NNT: variants seen among roughly 807,000 people sequenced by gnomAD.
NNT encodes the protein NAD(P) transhydrogenase, mitochondrial.
Under a neutral mutation model 104.8 loss-of-function variants are expected in NNT, and 50 were observed. The ratio of observed to expected loss-of-function variants is 0.48; its 90% CI spans 0.38 to 0.60. The LOEUF is 0.60. Among genes scored for constraint, NNT ranks in the 20% least tolerant of loss-of-function variants. The probability of loss-of-function intolerance (pLI) is 0.00; values close to 1 mark genes in which losing one functional copy is unlikely to be tolerated. For missense variants in NNT, 1,131 were observed against 1,330.7 expected, an observed-to-expected ratio of 0.85 and a Z score of 2.33; for synonymous variants, 461 against 490.4, an observed-to-expected ratio of 0.94 and a Z score of 0.79.
chr5:43,622,878 T>G (rs886197096), intron 5 of NNT, among the ~76,000 whole-genome samples: 4 of 152,010 alleles, frequency 2.6e-5, no homozygotes, highest in Admixed American at 6.5e-5. Flanking sequence ...TTTTTTTTTT[T>G]TTGTTATGTC....
At chr5:43,605,371 C>G (rs907476940) in intron 1 of NNT, among the ~76,000 whole-genome samples, 1 of 150,530 alleles carries the variant, frequency 6.6e-6, no homozygotes, top group African/African-American at 2.4e-5. Context: ...AAAAAATTAG[C>G]CGGGCGCGGT....
intron 19 of NNT, among the ~76,000 whole-genome samples, chr5:43,695,780 C>T (rs765539292): frequency 2.0e-5 from 3 of 152,048 alleles, no homozygotes; most frequent in Non-Finnish European, 2.9e-5. Context: ...TGGCAGAAGG[C>T]GAGAAGGATC....
At position 43,644,601 on chromosome 5, in the gene NNT, G is replaced by A; in HGVS notation, c.1099-10G>A. 6.3e-7 allele frequency: 1 copy of A among 1,594,886 alleles called. No homozygotes were observed. The highest frequency in any genetic ancestry group is 2.2e-5 in the East Asian group (1 of 44,676). ...GATAGACCTTTTTGACTATAATTTT[G>A]TTCATTTAGGGAATTACTCACATAG... On this transcript the variant is annotated splice_polypyrimidine_tract_variant and intron_variant, in intron 8 of 21. Transcript: ENST00000344920.
At chr5:43,636,647 T>G (rs1225901407) in intron 7 of NNT, among the ~76,000 whole-genome samples, 1 of 152,208 alleles carries the variant, frequency 6.6e-6, no homozygotes, top group African/African-American at 2.4e-5. Context: ...TGGTAGCTAA[T>G]GTACATCTAT....
intron 19 of NNT, among the ~76,000 whole-genome samples, chr5:43,684,691 A>G: frequency 6.6e-6 from 1 of 152,116 alleles, no homozygotes; most frequent in Non-Finnish European, 1.5e-5. Flanking sequence ...ATGATTTGGA[A>G]ATTTTTATTC....
chr5:43,678,901 T>A (rs751785389), intron 19 of NNT, among the ~76,000 whole-genome samples: 4 of 152,212 alleles, frequency 2.6e-5, no homozygotes, highest in African/African-American at 7.2e-5. Context: ...TTCCTACACT[T>A]CCTTTCTTGT....
chr5:43,610,571 T>C (rs1749450651), intron 2 of NNT, among the ~76,000 whole-genome samples: 1 of 152,224 alleles, frequency 6.6e-6, no homozygotes, highest in African/African-American at 2.4e-5. Context: ...TTTTTAAGTT[T>C]GTAGGACTGT....
At chr5:43,644,462 T>A in intron 8 of NNT, 137 bp downstream of exon 8, 1 of 1,223,664 alleles carries the variant, frequency 8.2e-7, no homozygotes, top group Non-Finnish European at 1.1e-6. Flanking sequence ...AAAGCTCCTG[T>A]TGAAATATGT....
intron 18 of NNT, 97 bp downstream of exon 18, chr5:43,675,767 T>C: frequency 1.1e-6 from 1 of 916,056 alleles, no homozygotes; most frequent in Admixed American, 3.8e-5. Context: ...GAAACTTCTT[T>C]AGTTTTGAAA....
At chr5:43,622,310 C>G (rs1220283949) in intron 5 of NNT, among the ~76,000 whole-genome samples, 1 of 152,186 alleles carries the variant, frequency 6.6e-6, no homozygotes, top group Non-Finnish European at 1.5e-5. Flanking sequence ...TAGTTACTGC[C>G]TTTACTCAGA....
intron 1 of NNT, among the ~76,000 whole-genome samples, chr5:43,605,794 G>T (rs1278475920): frequency 6.6e-6 from 1 of 152,132 alleles, no homozygotes; most frequent in East Asian, 1.9e-4. Flanking sequence ...CTTTTGCCAA[G>T]AAATGACCTC....
At chr5:43,656,600 T>C (rs1005031256) in intron 15 of NNT, 53 bp from the exon 16 acceptor site, 10 of 1,481,448 alleles carry the variant, frequency 6.8e-6, no homozygotes, top group Non-Finnish European at 1.8e-6. Context: ...ATGAACTTTA[T>C]GTATTTTCTT....
chr5:43,665,524 CAT>C (rs1157816446), intron 17 of NNT, among the ~76,000 whole-genome samples: 1 of 152,188 alleles, frequency 6.6e-6, no homozygotes, highest in Non-Finnish European at 1.5e-5. Context: ...GGACACAGCA[CAT>C]GTTTCAGAAA....
intron 17 of NNT, among the ~76,000 whole-genome samples, chr5:43,661,745 A>C (rs1016619275): frequency 2.6e-5 from 4 of 151,880 alleles, no homozygotes; most frequent in South Asian, 4.2e-4. Flanking sequence ...TGAACTCATC[A>C]TTTTTTATGG....
intron 17 of NNT, among the ~76,000 whole-genome samples, chr5:43,660,976 C>T (rs1174975306): frequency 2.0e-5 from 3 of 152,160 alleles, no homozygotes; most frequent in African/African-American, 7.2e-5. Context: ...TTTTACAACT[C>T]AGGATTTTTC....
intron 17 of NNT, among the ~76,000 whole-genome samples, chr5:43,662,985 C>T (rs1306046799): frequency 6.6e-6 from 1 of 151,792 alleles, no homozygotes; most frequent in Non-Finnish European, 1.5e-5. Flanking sequence ...AATAAAATCA[C>T]CTAAACTTCC....
At chr5:43,657,737 A>T (rs1371785722) in intron 16 of NNT, among the ~76,000 whole-genome samples, 1 of 152,224 alleles carries the variant, frequency 6.6e-6, no homozygotes, top group Non-Finnish European at 1.5e-5. Flanking sequence ...GTCTAATTTT[A>T]TTCTGGCTTA....
intron 19 of NNT, among the ~76,000 whole-genome samples, chr5:43,698,485 A>C (rs895158746): frequency 2.6e-5 from 4 of 152,098 alleles, no homozygotes; most frequent in Non-Finnish European, 4.4e-5. Flanking sequence ...TGTCCTGTCC[A>C]GATCTGGTTC....
At chr5:43,626,962 T>C (rs2111678614) in intron 6 of NNT, among the ~76,000 whole-genome samples, 1 of 152,282 alleles carries the variant, frequency 6.6e-6, no homozygotes, top group South Asian at 2.1e-4. Flanking sequence ...TTTAAAGAAC[T>C]ATATCCCTAT....
Sources: allele counts gnomAD v4.1 joint callset (sites outside exome capture counted in the v4.1 genomes callset), GRCh38; gene constraint gnomAD v4.1.1; transcripts MANE v1.5; gene names NCBI Gene and HGNC (gene_info 2026-07-23, HGNC 2026-07-21).